SEC31A: variants seen among roughly 807,000 people sequenced by gnomAD.
The protein encoded by SEC31A is SEC31 homolog A, COPII component.
In SEC31A, 70 loss-of-function variants were observed where a neutral mutation model predicts 151.0. The ratio of observed to expected loss-of-function variants is 0.46; its 90% CI spans 0.38 to 0.57. The LOEUF is 0.57. SEC31A is among the 20% of genes least tolerant of loss of function. The pLI, the probability that SEC31A is intolerant of heterozygous loss-of-function variation, is 0.00. For missense variants in SEC31A, 1,330 were observed against 1,471.2 expected, an observed-to-expected ratio of 0.90 and a Z score of 1.57; for synonymous variants, 475 against 505.9, an observed-to-expected ratio of 0.94 and a Z score of 0.82.
chr4:82,884,004 T>TG (rs1740024292), intron 1 of SEC31A, among the ~76,000 whole-genome samples: 1 of 149,444 alleles, frequency 6.7e-6, no homozygotes, highest in East Asian at 2.0e-4. Flanking sequence ...TTTTTTTTTT[T>TG]GGAGATGGAG....
intron 23 of SEC31A, among the ~76,000 whole-genome samples, chr4:82,828,069 C>T (rs1308924423): frequency 6.6e-6 from 1 of 152,194 alleles, no homozygotes; most frequent in East Asian, 1.9e-4. Context: ...CGCGTGCCAC[C>T]ACGCCCAGCT....
In SEC31A at chr4:82,821,135, T is replaced by C. The variant is rs571414144; in HGVS notation, c.3412-27A>G. On this transcript the variant is annotated intron_variant, in intron 25 of 26. Transcript: ENST00000395310. Reference sequence around the variant, plus strand: ...TGCAGGAAAGAAAAAATAGATGTTATATTTGAACATTAACTTTTAACCTAA... The same window carrying C: ...TGCAGGAAAGAAAAAATAGATGTTACATTTGAACATTAACTTTTAACCTAA... 2.1e-5 allele frequency: 33 copies of C among 1,568,456 alleles called. No homozygotes were observed. The African/African-American group carries it at 4.5e-4, about 21-fold the overall frequency.
At position 82,882,072 on chromosome 4, in the gene SEC31A, A is replaced by T. The variant is rs533919698; in HGVS notation, c.-4-132T>A. 750 of 723,286 alleles carry T rather than the reference A, an allele frequency of 1.0e-3. 1 individual carries two copies. Among genetic ancestry groups the T allele is most frequent in the Non-Finnish European group, 1.4e-3 (585 of 414,672 alleles). 44.8% of individuals were successfully genotyped at this position (723,286 alleles called of 1,614,324 possible). A position where few individuals can be genotyped will look rare whatever the true frequency, so the allele number is the denominator to read the frequency against. On this transcript the variant is annotated intron_variant, in intron 1 of 26. Coordinates refer to ENST00000395310, the MANE Select transcript of SEC31A (RefSeq NM_001077207.4). Reference sequence around the variant, plus strand: ...GTAATGCCCAACTGCAAATAAATCAAATCGGTTTAGGTGTCATTTGTTGGA... The same window carrying T: ...GTAATGCCCAACTGCAAATAAATCATATCGGTTTAGGTGTCATTTGTTGGA...
At chr4:82,836,194 G>T (rs559573174) in intron 22 of SEC31A, among the ~76,000 whole-genome samples, 1 of 151,892 alleles carries the variant, frequency 6.6e-6, no homozygotes. Flanking sequence ...CCAATATGGC[G>T]AAACCCCATC....
At chr4:82,873,689 A>G (rs1737274546) in intron 6 of SEC31A, among the ~76,000 whole-genome samples, 1 of 152,178 alleles carries the variant, frequency 6.6e-6, no homozygotes. Flanking sequence ...CTACATATGT[A>G]TGCCTGACTT....
chr4:82,894,050 C>T (rs1245458534), upstream of SEC31A: 1 of 152,092 alleles, frequency 6.6e-6, no homozygotes, highest in Non-Finnish European at 1.5e-5. Flanking sequence ...TGAGCAGGAA[C>T]ATTGTTGTGG....
chr4:82,888,547 G>A (rs1741483095), intron 1 of SEC31A, among the ~76,000 whole-genome samples: 1 of 151,868 alleles, frequency 6.6e-6, no homozygotes, highest in Non-Finnish European at 1.5e-5. Flanking sequence ...AAAATTAGCT[G>A]CGCGTGATGG....
chr4:82,861,813 G>A lies in SEC31A; in HGVS notation c.1549-105C>T, dbSNP rs531817409. 1.1e-3 allele frequency: 514 copies of A among 484,046 alleles called. 5 individuals are homozygous for A. The South Asian group carries it at 0.012, about 12-fold the overall frequency. The allele number at this position is 484,046 out of a possible 1,614,324, so 30.0% of individuals were successfully genotyped here. On this transcript the variant is annotated intron_variant, in intron 13 of 26. Coordinates refer to ENST00000395310, the MANE Select transcript of SEC31A (RefSeq NM_001077207.4). ...ACCCAACCAACAACATTCAGAGCTAGTTTAATCATAAGAAGCAACAGTGAG... is the reference window on the plus strand; with the variant it reads ...ACCCAACCAACAACATTCAGAGCTAATTTAATCATAAGAAGCAACAGTGAG...
At chr4:82,844,012 C>T (rs151333868) in intron 21 of SEC31A, 107 of 213,024 alleles carry the variant, frequency 5.0e-4, no homozygotes, top group African/African-American at 2.2e-3. Context: ...ATAACAAATG[C>T]CCCTTGAAAC....
intron 16 of SEC31A, among the ~76,000 whole-genome samples, chr4:82,855,697 C>T (rs1217106460): frequency 1.3e-5 from 2 of 152,072 alleles, no homozygotes; most frequent in African/African-American, 4.8e-5. Flanking sequence ...GAACAGAAAA[C>T]CAAATACCGC....
Position 82,857,201 on chromosome 4 carries a change from A to G in SEC31A, c.1703-71T>C. ...ACCAAAACCAACAACAAAGTACTAC[A>G]TCTATCAATTTTTATATATATACAT... On this transcript the variant is annotated intron_variant, in intron 15 of 26. Coordinates refer to ENST00000395310, the MANE Select transcript of SEC31A (RefSeq NM_001077207.4). 7 of 1,305,750 alleles carry G rather than the reference A, an allele frequency of 5.4e-6. No homozygotes were observed. The South Asian group carries it at 9.3e-5, about 17-fold the overall frequency. The allele number at this position is 1,305,750 out of a possible 1,614,324, so 80.9% of individuals were successfully genotyped here.
At chr4:82,828,873 T>C (rs1315403838) in intron 23 of SEC31A, 127 bp downstream of exon 23, 2 of 646,126 alleles carry the variant, frequency 3.1e-6, no homozygotes, top group East Asian at 2.6e-5. Flanking sequence ...CATGTTGAAA[T>C]ACACTTTAAA....
intron 10 of SEC31A, among the ~76,000 whole-genome samples, chr4:82,865,220 T>C (rs1012775306): frequency 6.6e-6 from 1 of 152,094 alleles, no homozygotes; most frequent in African/African-American, 2.4e-5. Flanking sequence ...TTAGGCAAGG[T>C]ATCAGCAATG....
chr4:82,846,975 A>G (rs1560610261), intron 20 of SEC31A, among the ~76,000 whole-genome samples: 1 of 152,198 alleles, frequency 6.6e-6, no homozygotes, highest in Non-Finnish European at 1.5e-5. Context: ...TTGGCCTCCT[A>G]ACGTACAGGG....
chr4:82,872,722 G>T (rs1288763654), intron 6 of SEC31A, among the ~76,000 whole-genome samples: 3 of 151,504 alleles, frequency 2.0e-5, no homozygotes, highest in South Asian at 2.1e-4. Context: ...TTATTTTTTT[G>T]AGATGGAGTC....
At chr4:82,860,288 T>G (rs940727284) in intron 14 of SEC31A, among the ~76,000 whole-genome samples, 7 of 152,158 alleles carry the variant, frequency 4.6e-5, no homozygotes, top group African/African-American at 1.7e-4. Flanking sequence ...CTTAAACACA[T>G]TTTTTCAAAG....
At chr4:82,886,648 G>A (rs7682147) in intron 1 of SEC31A, among the ~76,000 whole-genome samples, 108,725 of 152,102 alleles carry the variant, frequency 0.71, 39,796 homozygotes, top group Admixed American at 0.79. Context: ...TGTCTCACCT[G>A]ATCTTTAATA....
chr4:82,864,115 C>T (rs986571962), intron 11 of SEC31A, among the ~76,000 whole-genome samples: 26 of 152,112 alleles, frequency 1.7e-4, no homozygotes, highest in African/African-American at 4.8e-4. Flanking sequence ...CTCCTCTAAA[C>T]AGACCTATTA....
chr4:82,842,741 A>T (rs961961221), intron 21 of SEC31A: 2 of 354,434 alleles, frequency 5.6e-6, no homozygotes, highest in Non-Finnish European at 1.0e-5. Context: ...AGACCCAAGA[A>T]CTGCAAGACT....
Sources: gnomAD v4.1 joint callset for allele counts (sites outside exome capture counted in the v4.1 genomes callset) on GRCh38, gnomAD v4.1.1 for gene constraint, MANE v1.5 for transcripts, NCBI Gene and HGNC (gene_info 2026-07-23, HGNC 2026-07-21) for gene names.